Variants in AGK observed in about 807,000 individuals in gnomAD.
AGK encodes the protein acylglycerol kinase.
Under a neutral mutation model 66.4 loss-of-function variants are expected in AGK, and 52 were observed. That is an observed-to-expected ratio of 0.78 (90% CI 0.63 to 0.99). The LOEUF is 0.99. Among genes scored for constraint, AGK ranks in the 50% least tolerant of loss-of-function variants. AGK has a pLI of 0.00. For synonymous variants in AGK, 182 were observed against 181.1 expected (o/e 1.00, Z -0.04); for missense variants, 451 against 506.6 (o/e 0.89, Z 1.05).
intron 9 of AGK, among the ~76,000 whole-genome samples, chr7:141,622,101 T>C (rs932656610): frequency 3.3e-5 from 5 of 152,046 alleles, no homozygotes; most frequent in Non-Finnish European, 1.5e-5. Flanking sequence ...TACTTTTTTT[T>C]TTTTTTTGAG....
intron 13 of AGK, among the ~76,000 whole-genome samples, chr7:141,648,635 A>T (rs949345803): frequency 2.0e-5 from 3 of 152,216 alleles, no homozygotes; most frequent in Non-Finnish European, 4.4e-5. Context: ...CTAGTCACTG[A>T]CTGGTAGCAA....
At chr7:141,577,792 A>G (rs1795780047) in intron 2 of AGK, among the ~76,000 whole-genome samples, 1 of 150,894 alleles carries the variant, frequency 6.6e-6, no homozygotes, top group Non-Finnish European at 1.5e-5. Context: ...CTGCCCTTCC[A>G]GATCGAATGC....
At chr7:141,584,431 A>C (rs1205187328) in intron 2 of AGK, among the ~76,000 whole-genome samples, 2 of 152,350 alleles carry the variant, frequency 1.3e-5, no homozygotes, top group Non-Finnish European at 2.9e-5. Flanking sequence ...GCTTGGGCTC[A>C]GAAGCCTGAC....
rs537040518 is a variant in AGK, at chr7:141,589,015, A to G, written c.102-4131A>G. On this transcript the variant is annotated intron_variant, in intron 2 of 15. Coordinates refer to ENST00000649286, the MANE Select transcript of AGK (RefSeq NM_018238.4). Reference sequence around the variant, plus strand: ...TTTATCAGCAAGGTCTTTATCAGCTATATCATATGCCGCCCTCCTATCTCA... The same window carrying G: ...TTTATCAGCAAGGTCTTTATCAGCTGTATCATATGCCGCCCTCCTATCTCA... Among the ~76,000 whole-genome samples, 56 of 152,274 alleles carry G rather than the reference A, an allele frequency of 3.7e-4. 1 individual carries two copies. The highest frequency in any genetic ancestry group is 1.2e-3 in the African/African-American group (50 of 41,560).
At chr7:141,556,864 G>C (rs1265442739) in intron 2 of AGK, among the ~76,000 whole-genome samples, 1 of 152,206 alleles carries the variant, frequency 6.6e-6, no homozygotes, top group Non-Finnish European at 1.5e-5. Flanking sequence ...ATTCAGAGGA[G>C]TCATGGATTT....
intron 5 of AGK, among the ~76,000 whole-genome samples, chr7:141,602,201 G>GTGTGTGTGTGTGTGTGTGTGTGTA (rs1332610598): frequency 6.6e-6 from 1 of 151,364 alleles, no homozygotes; most frequent in Non-Finnish European, 1.5e-5. Flanking sequence ...GTGTGTGTGT[G>GTGTGTGTGTGTGTGTGTGTGTGTA]TGTGTGTGTG....
At chr7:141,579,186 A>G (rs1795823762) in intron 2 of AGK, among the ~76,000 whole-genome samples, 1 of 152,068 alleles carries the variant, frequency 6.6e-6, no homozygotes, top group South Asian at 2.1e-4. Context: ...ACAGGCCCGA[A>G]TTCTGAGAAG....
chr7:141,613,249 C>G (rs1185039075), intron 6 of AGK, among the ~76,000 whole-genome samples: 2 of 152,104 alleles, frequency 1.3e-5, no homozygotes, highest in East Asian at 1.9e-4. Flanking sequence ...GGTATAATTA[C>G]AGTCATATAA....
intron 1 of AGK, among the ~76,000 whole-genome samples, chr7:141,554,846 T>G (rs2116842852): frequency 6.6e-6 from 1 of 152,352 alleles, no homozygotes; most frequent in Middle Eastern, 3.4e-3. Flanking sequence ...AAATTTATTT[T>G]GGTCAATAAT....
intron 5 of AGK, among the ~76,000 whole-genome samples, chr7:141,608,903 C>T (rs1796518203): frequency 6.6e-6 from 1 of 152,148 alleles, no homozygotes; most frequent in African/African-American, 2.4e-5. Context: ...TATGAAATCA[C>T]TTGGCCTTAG....
In AGK at chr7:141,555,717, C is replaced by G; in HGVS notation, c.101+150C>G. 1 of 563,052 alleles carries G rather than the reference C, an allele frequency of 1.8e-6. No individual in the cohort carries two copies. Among genetic ancestry groups the G allele is most frequent in the Non-Finnish European group, 3.1e-6 (1 of 321,300 alleles). The allele number at this position is 563,052 out of a possible 1,614,324, so 34.9% of individuals were successfully genotyped here. A position where few individuals can be genotyped will look rare whatever the true frequency, so the allele number is the denominator to read the frequency against. On this transcript the variant is annotated intron_variant, in intron 2 of 15. Transcript: ENST00000649286. This position sits in a 1 kb window ranked among gnomAD's most constrained non-coding sequence, Gnocchi z 4.2. The stretch of plus-strand genomic sequence containing the variant: ...ATGCTATTCAAAGCAAAAACAAAGA[C>G]TTCTTGTAACCAGAGCTGGAACTAC...
intron 15 of AGK, 160 bp from the exon 16 acceptor site, chr7:141,652,627 A>G (rs2117035857): frequency 1.6e-6 from 1 of 630,482 alleles, no homozygotes; most frequent in East Asian, 2.6e-5. Flanking sequence ...TGCCCATCGT[A>G]GTAGGCACTG....
chr7:141,556,993 G>A (rs1278416376), intron 2 of AGK, among the ~76,000 whole-genome samples: 1 of 152,186 alleles, frequency 6.6e-6, no homozygotes, highest in African/African-American at 2.4e-5. Context: ...ACAAAAGACA[G>A]CCAATCAAAT....
chr7:141,647,287 C>T (rs1797435415), intron 13 of AGK, among the ~76,000 whole-genome samples: 1 of 152,174 alleles, frequency 6.6e-6, no homozygotes, highest in African/African-American at 2.4e-5. Flanking sequence ...TCCTTAGAAC[C>T]CTCCAGTGGC....
chr7:141,605,352 G>C (rs1407410874), intron 5 of AGK, among the ~76,000 whole-genome samples: 1 of 152,014 alleles, frequency 6.6e-6, no homozygotes, highest in Non-Finnish European at 1.5e-5. Context: ...TTTGGGTCCT[G>C]GTTTATAGTG....
At position 141,613,089 on chromosome 7, in the gene AGK, A is replaced by C. The variant is rs570722918; in HGVS notation, c.391-1057A>C. 3.3e-5 allele frequency among the ~76,000 whole-genome samples: 5 copies of C among 152,300 alleles called. No homozygotes were observed. In the East Asian group the frequency reaches 5.8e-4, roughly 18 times the overall value. ...TTTTATGGCTTTTTAATGAAGTGTG[A>C]AGAATATTGATAGCATGCCTACAAA... On this transcript the variant is annotated intron_variant, in intron 6 of 15. Transcript: ENST00000649286.
At chr7:141,631,298 A>G (rs1797050066) in intron 9 of AGK, among the ~76,000 whole-genome samples, 1 of 152,186 alleles carries the variant, frequency 6.6e-6, no homozygotes, top group Non-Finnish European at 1.5e-5. Context: ...CCCTGTTTTC[A>G]GAGGTAGAAG....
intron 2 of AGK, among the ~76,000 whole-genome samples, chr7:141,588,855 G>C (rs959605594): frequency 2.0e-5 from 3 of 152,116 alleles, no homozygotes; most frequent in Non-Finnish European, 4.4e-5. Context: ...AAACTGTCAT[G>C]GTGCTGGCAG....
intron 8 of AGK, among the ~76,000 whole-genome samples, chr7:141,621,247 G>A (rs571121534): frequency 3.3e-5 from 5 of 152,076 alleles, no homozygotes; most frequent in Admixed American, 1.3e-4. Flanking sequence ...AAAATGAAGC[G>A]CATCCTAGTA....
Sources: allele counts gnomAD v4.1 joint callset (sites outside exome capture counted in the v4.1 genomes callset), GRCh38; gene constraint gnomAD v4.1.1; non-coding constraint Gnocchi (gnomAD v3.1); transcripts MANE v1.5; gene names NCBI Gene and HGNC (gene_info 2026-07-23, HGNC 2026-07-21).